Variants in NCKAP5 observed in about 807,000 individuals in gnomAD.
NCKAP5 encodes NCK associated protein 5.
NCKAP5 carries 92 observed loss-of-function variants against 167.0 expected under a neutral mutation model. The observed-to-expected ratio is 0.55, with a 90% CI of 0.47 to 0.66. The LOEUF (loss-of-function observed/expected upper bound fraction) is 0.66. Ranked by LOEUF, NCKAP5 falls within the 30% of genes least tolerant of loss-of-function variation. The pLI is 0.00. For synonymous variants in NCKAP5, 891 were observed against 877.4 expected, an observed-to-expected ratio of 1.02 and a Z score of -0.27; for missense variants, 2,378 against 2,315.0, an observed-to-expected ratio of 1.03 and a Z score of -0.56.
At chr2:132,837,968 G>C (rs1195198500) in intron 11 of NCKAP5, among the ~76,000 whole-genome samples, 1 of 152,122 alleles carries the variant, frequency 6.6e-6, no homozygotes, top group Non-Finnish European at 1.5e-5. Flanking sequence ...AGGTGGGGAG[G>C]GGCCCCCTAC....
intron 4 of NCKAP5, among the ~76,000 whole-genome samples, chr2:133,288,902 G>A (rs1679357488): frequency 6.6e-6 from 1 of 152,072 alleles, no homozygotes; most frequent in Non-Finnish European, 1.5e-5. Context: ...CTACCTAGAT[G>A]ACAGGTAAAA....
At chr2:132,739,397 A>T (rs371629981) in intron 16 of NCKAP5, among the ~76,000 whole-genome samples, 1 of 152,210 alleles carries the variant, frequency 6.6e-6, no homozygotes, top group African/African-American at 2.4e-5. Context: ...AAGTGAGAAG[A>T]CTATATGCTT....
intron 8 of NCKAP5, among the ~76,000 whole-genome samples, chr2:132,922,746 T>C (rs1211296128): frequency 6.6e-6 from 1 of 152,188 alleles, no homozygotes; most frequent in Non-Finnish European, 1.5e-5. Flanking sequence ...TTGAGGAGCC[T>C]CAAAAATCAT....
chr2:133,258,355 C>T (rs1325895807), intron 4 of NCKAP5, among the ~76,000 whole-genome samples: 1 of 152,194 alleles, frequency 6.6e-6, no homozygotes, highest in Non-Finnish European at 1.5e-5. Flanking sequence ...ACCACCTACC[C>T]AACATCACCT....
intron 2 of NCKAP5, among the ~76,000 whole-genome samples, chr2:133,540,063 C>A (rs370070882): frequency 3.3e-5 from 5 of 152,132 alleles, no homozygotes; most frequent in Non-Finnish European, 5.9e-5. Context: ...CCCTGACAGT[C>A]CCAGCTACTC....
At chr2:133,227,919 T>C (rs2086968005) in intron 4 of NCKAP5, among the ~76,000 whole-genome samples, 2 of 152,220 alleles carry the variant, frequency 1.3e-5, no homozygotes, top group South Asian at 2.1e-4. Flanking sequence ...CACCAAACTC[T>C]AGGAGAAGCA....
chr2:133,545,363 G>A lies in NCKAP5; in HGVS notation c.-62+13687C>T, dbSNP rs541267882. 3.6e-4 allele frequency among the ~76,000 whole-genome samples: 55 copies of A among 152,240 alleles called. No homozygotes were observed. In the South Asian group the frequency reaches 9.1e-3, roughly 25 times the overall value. On this transcript the variant is annotated intron_variant, in intron 2 of 19. Transcript: ENST00000409261. ...ACCTAGCTAGCGGAAGCTGGCTGAC[G>A]CGTTTGGTCCTCTACTTCCCTCTGC...
chr2:132,897,150 C>T (rs1415252803), intron 8 of NCKAP5, among the ~76,000 whole-genome samples: 1 of 152,168 alleles, frequency 6.6e-6, no homozygotes, highest in Non-Finnish European at 1.5e-5. Context: ...ATATGGTGCT[C>T]ACTTCTTCCT....
the NCKAP5 span, among the ~76,000 whole-genome samples, chr2:133,641,857 A>C: frequency 7.3e-3 from 1,113 of 152,332 alleles, 14 homozygotes; most frequent in African/African-American, 0.025. Context: ...TGGAACATCT[A>C]TTATCCTATT....
the NCKAP5 span, among the ~76,000 whole-genome samples, chr2:133,585,677 T>C: frequency 6.6e-6 from 1 of 152,346 alleles, no homozygotes; most frequent in East Asian, 1.9e-4. Flanking sequence ...TGTCAGTCAC[T>C]TTACATATGT....
chr2:133,346,673 T>A (rs563524466), intron 3 of NCKAP5, among the ~76,000 whole-genome samples: 1 of 152,268 alleles, frequency 6.6e-6, no homozygotes, highest in African/African-American at 2.4e-5. Flanking sequence ...GGTGATATGG[T>A]CATCGGACTG....
intron 18 of NCKAP5, among the ~76,000 whole-genome samples, chr2:132,726,218 A>G (rs1349962712): frequency 6.6e-6 from 1 of 152,234 alleles, no homozygotes; most frequent in Non-Finnish European, 1.5e-5. Context: ...AAAAGAATAA[A>G]TGTTTGCCTA....
At chr2:132,941,791 C>A (rs1697319169) in intron 8 of NCKAP5, among the ~76,000 whole-genome samples, 1 of 152,022 alleles carries the variant, frequency 6.6e-6, no homozygotes, top group African/African-American at 2.4e-5. Flanking sequence ...CTGCCATTTC[C>A]CAGCAAAGTG....
chr2:133,089,770 T>C (rs1479955305), intron 6 of NCKAP5, among the ~76,000 whole-genome samples: 3 of 152,196 alleles, frequency 2.0e-5, no homozygotes, highest in South Asian at 4.1e-4. Flanking sequence ...AAAATAACCA[T>C]GGCTTTCCTG....
chr2:133,087,937 G>A (rs1406637238), intron 6 of NCKAP5, among the ~76,000 whole-genome samples: 1 of 152,110 alleles, frequency 6.6e-6, no homozygotes, highest in African/African-American at 2.4e-5. Flanking sequence ...TTACGGAGCT[G>A]CCATTCTAGT....
intron 8 of NCKAP5, among the ~76,000 whole-genome samples, chr2:132,931,872 A>G (rs1217522048): frequency 2.0e-5 from 3 of 152,224 alleles, no homozygotes; most frequent in Non-Finnish European, 4.4e-5. Flanking sequence ...TAAAATTGTA[A>G]GTTGAGAAAA....
intron 6 of NCKAP5, among the ~76,000 whole-genome samples, chr2:133,037,052 A>G (rs1032132971): frequency 1.3e-5 from 2 of 152,072 alleles, no homozygotes; most frequent in African/African-American, 4.8e-5. Flanking sequence ...AAATAATCAC[A>G]TTTACAACAG....
intron 6 of NCKAP5, among the ~76,000 whole-genome samples, chr2:133,025,473 C>A (rs900391723): frequency 1.3e-5 from 2 of 152,132 alleles, no homozygotes; most frequent in Admixed American, 6.5e-5. Flanking sequence ...TAAAGTATTA[C>A]CGCTTATTTC....
intron 4 of NCKAP5, among the ~76,000 whole-genome samples, chr2:133,294,322 A>G (rs1338892667): frequency 6.6e-6 from 1 of 152,154 alleles, no homozygotes; most frequent in African/African-American, 2.4e-5. Context: ...AATTAACCCC[A>G]TGAGGATAGA....
Sources: allele counts gnomAD v4.1 joint callset (sites outside exome capture counted in the v4.1 genomes callset), GRCh38; gene constraint gnomAD v4.1.1; transcripts MANE v1.5; gene names NCBI Gene and HGNC (gene_info 2026-07-23, HGNC 2026-07-21).